PRKCE: variants seen among roughly 807,000 people sequenced by gnomAD.
The protein encoded by PRKCE is protein kinase C epsilon, also known as protein kinase C epsilon type.
Under a neutral mutation model 85.4 loss-of-function variants are expected in PRKCE, and 16 were observed. The ratio of observed to expected loss-of-function variants is 0.19; its 90% confidence interval spans 0.13 to 0.28. The LOEUF (loss-of-function observed/expected upper bound fraction) is 0.28, where lower values mean the gene tolerates loss of function less well. Ranked by LOEUF, PRKCE falls within the 10% of genes least tolerant of loss-of-function variation. PRKCE has a pLI of 1.00. For missense variants in PRKCE, 573 were observed against 975.2 expected, an observed-to-expected ratio of 0.59 and a Z score of 5.49; for synonymous variants, 388 against 371.5, an observed-to-expected ratio of 1.04 and a Z score of -0.51.
At chr2:45,845,073 T>G (rs1327403343) in intron 2 of PRKCE, among the ~76,000 whole-genome samples, 3 of 151,984 alleles carry the variant, frequency 2.0e-5, no homozygotes, top group Non-Finnish European at 4.4e-5. Context: ...TTTTTTTTTT[T>G]TTTTTTAAAT....
chr2:46,151,326 C>CACACACACACACACACACACA, intron 13 of PRKCE, 97 bp downstream of exon 13: 1 of 1,159,780 alleles, frequency 8.6e-7, no homozygotes, highest in Non-Finnish European at 1.2e-6. Context: ...CACACACACT[C>CACACACACACACACACACACA]CCTTCTCCCT....
At chr2:45,955,078 CACTCCATCA>C (rs1700879674) in intron 2 of PRKCE, among the ~76,000 whole-genome samples, 1 of 49,354 alleles carries the variant, frequency 2.0e-5, no homozygotes, top group African/African-American at 7.1e-5. Flanking sequence ...CTCCATCACG[CACTCCATCA>C]AGTACTCCAT....
At chr2:45,823,726 C>T (rs557681567) in intron 1 of PRKCE, among the ~76,000 whole-genome samples, 1 of 152,352 alleles carries the variant, frequency 6.6e-6, no homozygotes, top group Admixed American at 6.5e-5. Flanking sequence ...GTGTTCCATA[C>T]CTGTGCCTCT....
intron 5 of PRKCE, 107 bp from the exon 6 acceptor site, chr2:45,984,444 A>G (rs1043264984): frequency 2.0e-6 from 3 of 1,493,954 alleles, no homozygotes; most frequent in Non-Finnish European, 9.0e-7. Context: ...CCTGCCACCT[A>G]CAATGACACA....
At chr2:46,051,121 T>A (rs185623269) in intron 10 of PRKCE, among the ~76,000 whole-genome samples, 7 of 152,358 alleles carry the variant, frequency 4.6e-5, no homozygotes, top group African/African-American at 1.7e-4. Context: ...AAATAACTAC[T>A]GAGATGACTT....
intron 1 of PRKCE, among the ~76,000 whole-genome samples, chr2:45,744,409 TTTCTTTTCTTTC>T (rs1558622875): frequency 1.1e-4 from 16 of 150,662 alleles, no homozygotes; most frequent in South Asian, 4.2e-4. Flanking sequence ...CTCTCTTTCT[TTTCTTTTCTTTC>T]TTTCTTTCTT....
chr2:45,708,073 TC>T (rs1305097429), intron 1 of PRKCE, among the ~76,000 whole-genome samples: 1 of 152,200 alleles, frequency 6.6e-6, no homozygotes, highest in African/African-American at 2.4e-5. Flanking sequence ...TTTCCTGCCT[TC>T]GGTGAGCTCC....
intron 1 of PRKCE, among the ~76,000 whole-genome samples, chr2:45,775,394 C>T (rs1261691109): frequency 6.6e-6 from 1 of 152,174 alleles, no homozygotes; most frequent in Non-Finnish European, 1.5e-5. Flanking sequence ...GTGCTCACAG[C>T]ATTTGAGGCT....
At chr2:45,890,373 A>G (rs1162554132) in intron 2 of PRKCE, among the ~76,000 whole-genome samples, 2 of 151,920 alleles carry the variant, frequency 1.3e-5, no homozygotes, top group Non-Finnish European at 2.9e-5. Flanking sequence ...GTTTCTCAGT[A>G]TCTTTTCAAA....
intron 10 of PRKCE, among the ~76,000 whole-genome samples, chr2:46,084,735 A>AG (rs1421673881): frequency 6.6e-6 from 1 of 151,542 alleles, no homozygotes; most frequent in African/African-American, 2.4e-5. Context: ...AAAAAAAAAA[A>AG]AAAAAGAATG....
In PRKCE at chr2:46,001,613, A is replaced by G; in HGVS notation, c.966+67A>G. ...CTAGCATTTCTGTGCTGACTTCCAG[A>G]GGGTGCTCTGGAGTGAGGTAATAAG... On this transcript the variant is annotated intron_variant, in intron 7 of 14. Coordinates refer to ENST00000306156, the MANE Select transcript of PRKCE (RefSeq NM_005400.3). The surrounding 1 kb of genome is among the most constrained non-coding windows in gnomAD (Gnocchi z 4.4). The G allele has an allele frequency of 6.5e-7, 1 of 1,536,332 alleles. No homozygotes were observed. Among genetic ancestry groups the G allele is most frequent in the Non-Finnish European group, 8.8e-7 (1 of 1,142,332 alleles).
At chr2:46,057,585 C>T (rs1241696903) in intron 10 of PRKCE, among the ~76,000 whole-genome samples, 2 of 152,076 alleles carry the variant, frequency 1.3e-5, no homozygotes, top group African/African-American at 4.8e-5. Flanking sequence ...CAGGCGCCAC[C>T]ACCATGCCCG....
At chr2:45,893,754 CA>C (rs1015382694) in intron 2 of PRKCE, among the ~76,000 whole-genome samples, 1 of 152,168 alleles carries the variant, frequency 6.6e-6, no homozygotes, top group African/African-American at 2.4e-5. Flanking sequence ...GATCCCCCTG[CA>C]AATACTCACT....
intron 1 of PRKCE, among the ~76,000 whole-genome samples, chr2:45,707,888 T>C (rs780183422): frequency 1.3e-5 from 2 of 152,058 alleles, no homozygotes; most frequent in African/African-American, 2.4e-5. Context: ...GACCTGGGAG[T>C]GCAGGCATGA....
At chr2:45,871,846 ACTGCGGAGTTT>A (rs1694112981) in intron 2 of PRKCE, among the ~76,000 whole-genome samples, 1 of 152,140 alleles carries the variant, frequency 6.6e-6, no homozygotes, top group Non-Finnish European at 1.5e-5. Flanking sequence ...CCCCTTACAC[ACTGCGGAGTTT>A]GATGTCTGGG....
At chr2:45,977,721 A>G (rs940826316) in intron 3 of PRKCE, among the ~76,000 whole-genome samples, 2 of 152,044 alleles carry the variant, frequency 1.3e-5, no homozygotes, top group Admixed American at 6.5e-5. Context: ...AACAATACCC[A>G]GGCTCAGAAA....
At chr2:45,930,409 G>A (rs906984525) in intron 2 of PRKCE, among the ~76,000 whole-genome samples, 5 of 152,204 alleles carry the variant, frequency 3.3e-5, no homozygotes, top group Admixed American at 1.3e-4. Flanking sequence ...AAAGTGCCTG[G>A]TGGCTCATGT....
chr2:45,734,713 C>A (rs1279709812), intron 1 of PRKCE, among the ~76,000 whole-genome samples: 1 of 152,106 alleles, frequency 6.6e-6, no homozygotes, highest in Non-Finnish European at 1.5e-5. Context: ...GCAGATCCCC[C>A]CTGCAGGCCT....
intron 1 of PRKCE, among the ~76,000 whole-genome samples, chr2:45,662,923 T>G (rs1675743216): frequency 6.6e-6 from 1 of 152,156 alleles, no homozygotes; most frequent in Non-Finnish European, 1.5e-5. Context: ...TGTATGAACC[T>G]ATCTCCCTGC....
Sources: allele counts gnomAD v4.1 joint callset (sites outside exome capture counted in the v4.1 genomes callset), GRCh38; gene constraint gnomAD v4.1.1; non-coding constraint Gnocchi (gnomAD v3.1); transcripts MANE v1.5; gene names NCBI Gene and HGNC (gene_info 2026-07-23, HGNC 2026-07-21).